RYR3: variants seen among roughly 807,000 people sequenced by gnomAD.
RYR3 encodes the protein brain ryanodine receptor-calcium release channel.
In RYR3, 207 loss-of-function variants were observed where a neutral mutation model predicts 584.3. The observed-to-expected ratio is 0.35, with a 90% CI of 0.32 to 0.40. The LOEUF (loss-of-function observed/expected upper bound fraction) is 0.40, where lower values mean the gene tolerates loss of function less well. Among genes scored for constraint, RYR3 ranks in the 10% least tolerant of loss-of-function variants. The probability of loss-of-function intolerance (pLI) is 1.00; values close to 1 mark genes in which losing one functional copy is unlikely to be tolerated. For missense variants in RYR3, 5,616 were observed against 6,089.2 expected, an observed-to-expected ratio of 0.92 and a Z score of 2.59; for synonymous variants, 2,416 against 2,248.5, an observed-to-expected ratio of 1.07 and a Z score of -2.11.
rs748962960 is a variant in RYR3, at chr15:33,738,458, G to A, written c.7524G>A (p.Thr2508=). 1.9e-6 allele frequency: 3 copies of A among 1,613,024 alleles called. No individual in the cohort carries two copies. Among genetic ancestry groups the A allele is most frequent in the Non-Finnish European group, 2.5e-6 (3 of 1,179,516 alleles). The change falls in exon 50 of 104, where the codon ACG becomes ACA. Residue 2508 remains threonine, a synonymous_variant. Coordinates refer to ENST00000634891, the MANE Select transcript of RYR3 (RefSeq NM_001036.6). ...TGTTCTGCACCTCCCAGCTTCTGAC[G>A]AATCACTATGAACAGTGTTGGAAGT... ...EYCKMPLKLL[T]NHYEQCWKYY...
At chr15:33,378,322 TC>T (rs1323921667) in intron 1 of RYR3, among the ~76,000 whole-genome samples, 1 of 152,172 alleles carries the variant, frequency 6.6e-6, no homozygotes, top group African/African-American at 2.4e-5. Context: ...CAGCTCCATG[TC>T]CCCTCTGCCT....
intron 10 of RYR3, among the ~76,000 whole-genome samples, chr15:33,555,604 T>C (rs1865495): frequency 0.48 from 72,849 of 152,002 alleles, 18,549 homozygotes; most frequent in Admixed American, 0.61. Flanking sequence ...TCATATGTTT[T>C]GTAAAAAATA....
At chr15:33,744,269 C>T (rs4383110) in intron 52 of RYR3, among the ~76,000 whole-genome samples, 29,087 of 152,016 alleles carry the variant, frequency 0.19, 3,186 homozygotes, top group South Asian at 0.27. Flanking sequence ...TTTCGTAGCA[C>T]GCTTAGGTAT....
intron 91 of RYR3, among the ~76,000 whole-genome samples, chr15:33,842,753 C>T (rs1425102813): frequency 1.3e-5 from 2 of 152,182 alleles, no homozygotes; most frequent in Non-Finnish European, 2.9e-5. Flanking sequence ...TGGCTACATC[C>T]AGGTTGGGAG....
chr15:33,597,362 A>G (rs1420463710), intron 16 of RYR3, among the ~76,000 whole-genome samples: 3 of 152,176 alleles, frequency 2.0e-5, no homozygotes, highest in African/African-American at 7.2e-5. Context: ...CACGCCTGTA[A>G]TCCCAGCACC....
chr15:33,790,372 T>A (rs1272351646), intron 67 of RYR3, among the ~76,000 whole-genome samples: 3 of 152,078 alleles, frequency 2.0e-5, no homozygotes, highest in Non-Finnish European at 2.9e-5. Flanking sequence ...GCAGTGAAGG[T>A]TGCCAGAAGT....
intron 3 of RYR3, among the ~76,000 whole-genome samples, chr15:33,524,978 A>G (rs569573894): frequency 3.3e-5 from 5 of 152,134 alleles, no homozygotes; most frequent in East Asian, 1.9e-4. Flanking sequence ...TCTGTCTTCT[A>G]TTGCCTTTGA....
chr15:33,499,384 C>T (rs1418807527), intron 2 of RYR3, among the ~76,000 whole-genome samples: 1 of 151,978 alleles, frequency 6.6e-6, no homozygotes, highest in Admixed American at 6.6e-5. Context: ...ACTCTGTGTG[C>T]TTCCTCACAT....
chr15:33,819,645 G>C (rs2152956395), intron 76 of RYR3, 111 bp from the exon 77 acceptor site: 1 of 663,252 alleles, frequency 1.5e-6, no homozygotes, highest in African/African-American at 2.0e-5. Context: ...TTGCACTCCA[G>C]CCTAGGGGAC....
Position 33,857,892 on chromosome 15 carries a change from T to TGAA in RYR3, c.14122_14124dup (p.Lys4708dup). 1.2e-6 allele frequency: 2 copies of TGAA among 1,614,126 alleles called. No homozygotes were observed. Among genetic ancestry groups the TGAA allele is most frequent in the Non-Finnish European group, 1.7e-6 (2 of 1,180,030 alleles). On this transcript the variant is annotated inframe_insertion, in exon 99 of 104. Transcript: ENST00000634891. ...AGCGAAGACGATGACGAGCCCGATATGAAGTGCGACGACATGATGACGGTG... is the reference window on the plus strand; with the variant it reads ...AGCGAAGACGATGACGAGCCCGATATGAAGAAGTGCGACGACATGATGACGGTG...
chr15:33,827,751 A>G (rs1342684443), intron 85 of RYR3, among the ~76,000 whole-genome samples: 1 of 152,234 alleles, frequency 6.6e-6, no homozygotes, highest in African/African-American at 2.4e-5. Flanking sequence ...ATTAACAAAA[A>G]GGGATTTTTT....
At chr15:33,748,667 G>C in intron 55 of RYR3, 137 bp downstream of exon 55, 1 of 759,966 alleles carries the variant, frequency 1.3e-6, no homozygotes, top group Non-Finnish European at 2.2e-6. Context: ...CGGTCACCTT[G>C]TGCAGAGGCC....
intron 1 of RYR3, among the ~76,000 whole-genome samples, chr15:33,316,996 G>C (rs1047867410): frequency 6.6e-6 from 1 of 152,208 alleles, no homozygotes; most frequent in African/African-American, 2.4e-5. Flanking sequence ...GAGAAGTCAA[G>C]GCAGTGGGTG....
At chr15:33,760,286 G>A (rs779947178) in intron 60 of RYR3, among the ~76,000 whole-genome samples, 7 of 152,112 alleles carry the variant, frequency 4.6e-5, no homozygotes, top group African/African-American at 1.2e-4. Flanking sequence ...GAGAACAATG[G>A]TAACCTTAAA....
At position 33,844,934 on chromosome 15, in the gene RYR3, G is replaced by A. The variant is rs2078620314; in HGVS notation, c.13369G>A (p.Glu4457Lys). 3 of 1,614,034 alleles carry A rather than the reference G, an allele frequency of 1.9e-6. No homozygotes were observed. The highest frequency in any genetic ancestry group is 1.1e-5 in the South Asian group (1 of 91,086). ...ATGGAATTCCTTTAATGACGAGGAA[G>A]AGGAAGAAGCGATGGTATTCTTTGT... ...NLWNSFNDEE[E>K]EEAMVFFVLQ... Residue 4457 changes from glutamate (E) to lysine (K), a missense_variant, in exon 93 of 104, where the codon GAG becomes AAG. By Grantham distance (56) the Glu-to-Lys change is moderately conservative. Coordinates refer to ENST00000634891, the MANE Select transcript of RYR3 (RefSeq NM_001036.6).
At chr15:33,847,338 A>C (rs1187259616) in intron 93 of RYR3, 4 of 152,264 alleles carry the variant, frequency 2.6e-5, no homozygotes, top group Non-Finnish European at 5.9e-5. Context: ...TGTTTTGGAC[A>C]AAAGCGATGT....
intron 38 of RYR3, among the ~76,000 whole-genome samples, chr15:33,688,991 A>G (rs2065214746): frequency 6.6e-6 from 1 of 152,126 alleles, no homozygotes; most frequent in South Asian, 2.1e-4. Flanking sequence ...TCCATCAATG[A>G]TAGACTAGAT....
At chr15:33,572,778 C>T (rs998628864) in intron 12 of RYR3, among the ~76,000 whole-genome samples, 2 of 151,788 alleles carry the variant, frequency 1.3e-5, no homozygotes, top group East Asian at 1.9e-4. Context: ...GGTTCGAGAC[C>T]AGCCTGACCA....
At chr15:33,707,759 C>A (rs1424161166) in intron 43 of RYR3, among the ~76,000 whole-genome samples, 1 of 152,130 alleles carries the variant, frequency 6.6e-6, no homozygotes, top group Non-Finnish European at 1.5e-5. Flanking sequence ...TAACAAATTG[C>A]ACTAAGCAGG....
Sources: allele counts gnomAD v4.1 joint callset (sites outside exome capture counted in the v4.1 genomes callset), GRCh38; gene constraint gnomAD v4.1.1; transcripts MANE v1.5; gene names NCBI Gene and HGNC (gene_info 2026-07-23, HGNC 2026-07-21).